The following CD3D variants were observed in gnomAD, a reference collection of about 807,000 sequenced individuals.
The protein encoded by CD3D is CD3 delta subunit of T-cell receptor complex, also known as T-cell surface glycoprotein CD3 delta chain.
A neutral mutation model predicts 22.0 loss-of-function variants in CD3D; 22 were observed. The ratio of observed to expected loss-of-function variants is 1.00; its 90% CI spans 0.71 to 1.43. The LOEUF (loss-of-function observed/expected upper bound fraction) is 1.43. Among genes scored for constraint, CD3D ranks in the 40% most tolerant of loss-of-function variants. The pLI is 0.00. For missense variants in CD3D, 205 were observed against 211.7 expected (o/e 0.97, Z 0.20); for synonymous variants, 74 against 81.2 (o/e 0.91, Z 0.48).
At position 118,340,499 on chromosome 11, in the gene CD3D, T is replaced by C; in HGVS notation, c.150A>G (p.Thr50=). The change falls in exon 2 of 5, where the codon ACA becomes ACG. Residue 50 remains threonine, a synonymous_variant. Transcript: ENST00000300692. The stretch of plus-strand genomic sequence containing the variant: ...CCAGTCTTGTAATGTCTGAGAGCAG[T>C]GTTCCCACCGTTCCCTCTACCCATG... ...SITWVEGTVG[T]LLSDITRLDL... The C allele has an allele frequency of 6.2e-7, 1 of 1,614,104 alleles. No individual in the cohort carries two copies.
In CD3D at chr11:118,339,122, A is replaced by G; in HGVS notation, c.*40T>C. 1 of 1,530,818 alleles carries G rather than the reference A, an allele frequency of 6.5e-7. No homozygotes were observed. Among genetic ancestry groups the G allele is most frequent in the Non-Finnish European group, 9.1e-7 (1 of 1,103,862 alleles). The allele number at this position is 1,530,818 out of a possible 1,614,324, so 94.8% of individuals were successfully genotyped here. On this transcript the variant is annotated 3_prime_UTR_variant, in exon 5 of 5. Transcript: ENST00000300692. ...TTGGCTGAGCAAGAAGGGAAGGTACAGTTGGTAATGGCTGCTTCTAGAAGC... is the reference window on the plus strand; with the variant it reads ...TTGGCTGAGCAAGAAGGGAAGGTACGGTTGGTAATGGCTGCTTCTAGAAGC...
chr11:118,339,718 A>ACACACG (rs1233487158), intron 3 of CD3D, 57 bp downstream of exon 3: 1 of 1,601,318 alleles, frequency 6.2e-7, no homozygotes, highest in Non-Finnish European at 8.5e-7. Context: ...GTACACACAC[A>ACACACG]CACACACACA....
At chr11:118,342,166 C>T (rs892296116) in intron 1 of CD3D, among the ~76,000 whole-genome samples, 3 of 148,544 alleles carry the variant, frequency 2.0e-5, no homozygotes, top group Admixed American at 6.7e-5. Flanking sequence ...AAGCTAGCAC[C>T]GAGAAGCACT....
chr11:118,340,642 C>G (rs1328382586), intron 1 of CD3D, 49 bp from the exon 2 acceptor site: 3 of 1,339,036 alleles, frequency 2.2e-6, no homozygotes, highest in East Asian at 2.3e-5. Flanking sequence ...TGATCTGCAC[C>G]AAGCCCTTTG....
rs1285360994 is a variant in CD3D at position 118,339,196 on chromosome 11, C to T, written c.482G>A (p.Ser161Asn). 3 of 1,614,014 alleles carry T rather than the reference C, an allele frequency of 1.9e-6. No individual in the cohort carries two copies. In the African/African-American group the frequency reaches 4.0e-5, roughly 22 times the overall value. Residue 161 changes from serine (S) to asparagine (N), a missense_variant, in exon 5 of 5, where the codon AGC (serine) becomes AAC (asparagine). Ser to Asn is a conservative substitution (Grantham distance 46, BLOSUM62 1). Coordinates refer to ENST00000300692, the MANE Select transcript of CD3D (RefSeq NM_000732.6). ...PLRDRDDAQYSHLGGNWARNK is the reference protein window; with the variant it reads ...PLRDRDDAQYNHLGGNWARNK ...CCGAGCCCAGTTTCCTCCAAGGTGG[C>T]TGTACTGAGCATCATCTCGATCTCG...
At chr11:118,341,265 T>A (rs1199344396) in intron 1 of CD3D, among the ~76,000 whole-genome samples, 1 of 151,992 alleles carries the variant, frequency 6.6e-6, no homozygotes, top group African/African-American at 2.4e-5. Flanking sequence ...AGGAAAAAAA[T>A]TTTATTGAAT....
chr11:118,339,479 G>T lies in CD3D; in HGVS notation c.422C>A (p.Ala141Asp), dbSNP rs1591277520. 6 of 1,614,088 alleles carry T rather than the reference G, an allele frequency of 3.7e-6. No individual in the cohort carries two copies. The highest frequency in any genetic ancestry group is 1.3e-5 in the African/African-American group (1 of 75,000). Residue 141 changes from alanine (A) to aspartate (D), a missense_variant, in exon 4 of 5, where the codon GCT becomes GAT. By Grantham distance (126) the Ala-to-Asp change is moderately radical. Coordinates refer to ENST00000300692, the MANE Select transcript of CD3D (RefSeq NM_000732.6). ...GRLSGAADTQ[A>D]LLRNDQVYQP... is the part of the protein sequence containing the mutation. ...ATAGACCTGGTCATTCCTCAACAGA[G>T]CTTGTGTGTCGGCAGCTAGAAGAAC...
chr11:118,339,068 C>T, downstream of CD3D: 3 of 1,153,100 alleles, frequency 2.6e-6, no homozygotes, highest in South Asian at 3.7e-5. Context: ...GAAGCCCAGG[C>T]ACCTGCTGAG....
intron 2 of CD3D, 62 bp downstream of exon 2, chr11:118,340,313 A>G: frequency 3.0e-6 from 4 of 1,315,444 alleles, no homozygotes; most frequent in Non-Finnish European, 4.4e-6. Flanking sequence ...CTCTCTAGCC[A>G]GAAAGTTCTC....
rs766922810 is a variant in CD3D at position 118,339,459 on chromosome 11, C to A, written c.442G>T (p.Val148Phe). The change falls in exon 4 of 5, where the codon GTC becomes TTC. Residue 148 changes from valine (V) to phenylalanine (F), a missense_variant. Coordinates refer to ENST00000300692, the MANE Select transcript of CD3D (RefSeq NM_000732.6). Reference sequence around the variant, plus strand: ...TTCCCCTCAACGCTCACCTGATAGACCTGGTCATTCCTCAACAGAGCTTGT... The same window carrying A: ...TTCCCCTCAACGCTCACCTGATAGAACTGGTCATTCCTCAACAGAGCTTGT... ...DTQALLRNDQ[V>F]YQPLRDRDDA... The A allele has an allele frequency of 1.3e-5, 21 of 1,614,086 alleles. No individual in the cohort carries two copies. Among genetic ancestry groups the A allele is most frequent in the Non-Finnish European group, 1.7e-5 (20 of 1,180,014 alleles).
At position 118,340,575 on chromosome 11, in the gene CD3D, G is replaced by C. The variant is rs1591278393; in HGVS notation, c.74C>G (p.Pro25Arg). The C allele has an allele frequency of 6.2e-7, 1 of 1,613,388 alleles. No homozygotes were observed. The highest frequency in any genetic ancestry group is 1.7e-4 in the Middle Eastern group (1 of 6,060). The part of the protein sequence containing the change: ...LLSQVSPFKI[P>R]IEELEDRVFV... ...CACTCTGTCCTCAAGTTCCTCTATAGGTATCTTGAAGGGGCTCACTAAAGG... is the reference window on the plus strand; with the variant it reads ...CACTCTGTCCTCAAGTTCCTCTATACGTATCTTGAAGGGGCTCACTAAAGG... Residue 25 changes from proline (P) to arginine (R), a missense_variant, in exon 2 of 5, where the codon CCT becomes CGT. Transcript: ENST00000300692.
intron 1 of CD3D, among the ~76,000 whole-genome samples, chr11:118,341,348 C>T (rs950175135): frequency 6.6e-6 from 1 of 152,198 alleles, no homozygotes; most frequent in Non-Finnish European, 1.5e-5. Flanking sequence ...CAGCAACATT[C>T]CAGATGCAGT....
intron 4 of CD3D, 100 bp from the exon 5 acceptor site, chr11:118,339,327 C>T (rs1182275058): frequency 2.0e-6 from 3 of 1,473,360 alleles, no homozygotes; most frequent in Non-Finnish European, 2.8e-6. Context: ...CCTGACCTCT[C>T]CAGTCACACC....
At chr11:118,339,542 G>A in intron 3 of CD3D, 48 bp from the exon 4 acceptor site, 3 of 1,608,850 alleles carry the variant, frequency 1.9e-6, no homozygotes, top group East Asian at 2.2e-5. Context: ...ATGGGACTGT[G>A]AGATCCACCC....
Position 118,340,474 on chromosome 11 carries a change from C to T in CD3D, c.175G>A (p.Asp59Asn). 1 of 1,613,944 alleles carries T rather than the reference C, an allele frequency of 6.2e-7. No individual in the cohort carries two copies. Among genetic ancestry groups the T allele is most frequent in the Non-Finnish European group, 8.5e-7 (1 of 1,179,910 alleles). Residue 59 changes from aspartate to asparagine, a missense_variant, in exon 2 of 5, where the codon GAC (aspartate) becomes AAC (asparagine). Transcript: ENST00000300692. ...GGGTCCAGGATGCGTTTTCCCAGGT[C>T]CAGTCTTGTAATGTCTGAGAGCAGT... ...GTLLSDITRL[D>N]LGKRILDPRG...
intron 3 of CD3D, 48 bp downstream of exon 3, chr11:118,339,727 C>T (rs1168718891): frequency 4.3e-6 from 7 of 1,611,296 alleles, no homozygotes; most frequent in Admixed American, 1.7e-5. Flanking sequence ...CACACACACA[C>T]ACACACACAC....
chr11:118,339,288 C>T, intron 4 of CD3D, 61 bp from the exon 5 acceptor site: 2 of 1,541,572 alleles, frequency 1.3e-6, no homozygotes, highest in Admixed American at 1.7e-5. Flanking sequence ...AGGAAGGGCC[C>T]CAGCAGGCCC....
rs571561124 is a variant in CD3D, at chr11:118,339,090, A to G, written c.*72T>C. On this transcript the variant is annotated 3_prime_UTR_variant, in exon 5 of 5. Transcript: ENST00000300692. ...AGGCACCTGCTGAGTGAAAGAGGAT[A>G]TATTTATTGGCTGAGCAAGAAGGGA... 6.9e-5 allele frequency: 89 copies of G among 1,297,694 alleles called. No homozygotes were observed. The African/African-American group carries it at 1.2e-3, about 18-fold the overall frequency. The allele number at this position is 1,297,694 out of a possible 1,614,324, so 80.4% of individuals were successfully genotyped here.
In CD3D at chr11:118,340,383, T is replaced by C; in HGVS notation, c.266A>G (p.His89Arg). The C allele has an allele frequency of 5.6e-6, 9 of 1,613,212 alleles. No individual in the cohort carries two copies. Among genetic ancestry groups the C allele is most frequent in the South Asian group, 5.5e-5 (5 of 91,062 alleles). Residue 89 changes from histidine to arginine, a missense_variant, in exon 2 of 5, where the codon CAT (histidine) becomes CGT (arginine). His to Arg is a conservative substitution (Grantham distance 29). Transcript: ENST00000300692. ...YKDKESTVQV[H>R]YRMCQSCVEL... is the part of the protein sequence containing the mutation. ...GTTCAGGAAGCACGTACTTCGATAA[T>C]GAACTTGCACGGTAGATTCTTTGTC...
Sources: gnomAD v4.1 joint callset for allele counts (sites outside exome capture counted in the v4.1 genomes callset) on GRCh38, gnomAD v4.1.1 for gene constraint, MANE v1.5 for transcripts, NCBI Gene and HGNC (gene_info 2026-07-23, HGNC 2026-07-21) for gene names.